CERK: variants seen among roughly 807,000 people sequenced by gnomAD.
CERK encodes the protein acylsphingosine kinase.
Under a neutral mutation model 63.4 loss-of-function variants are expected in CERK, and 39 were observed. The ratio of observed to expected loss-of-function variants is 0.61; its 90% CI spans 0.48 to 0.80. The LOEUF is 0.80. Ranked by LOEUF, CERK falls within the 30% of genes least tolerant of loss-of-function variation. The pLI is 0.00. For synonymous variants in CERK, 302 were observed against 280.0 expected (o/e 1.08, Z -0.78); for missense variants, 670 against 714.1 (o/e 0.94, Z 0.70).
At chr22:46,695,832 C>G (rs966927765) in intron 8 of CERK, among the ~76,000 whole-genome samples, 1 of 152,014 alleles carries the variant, frequency 6.6e-6, no homozygotes, top group Non-Finnish European at 1.5e-5. Flanking sequence ...CAAACGTGTG[C>G]GCTGTCCACG....
chr22:46,708,008 G>C lies in CERK; in HGVS notation c.570-20C>G, dbSNP rs200609865. On this transcript the variant is annotated intron_variant, in intron 5 of 12. Transcript: ENST00000216264. ...ACGATGCTGCAGGAGGAACACAGCC[G>C]GTCAGGGCTCCTGCAGGTGCGGCCC... The C allele has an allele frequency of 4.4e-6, 7 of 1,585,144 alleles. No homozygotes were observed. Among genetic ancestry groups the C allele is most frequent in the South Asian group, 1.1e-5 (1 of 89,160 alleles).
intron 1 of CERK, among the ~76,000 whole-genome samples, chr22:46,723,555 G>T (rs111900521): frequency 0.038 from 5,788 of 151,358 alleles, 375 homozygotes; most frequent in African/African-American, 0.13. Flanking sequence ...GGAGGCGGAG[G>T]TTGCCGTGAG....
At chr22:46,688,298 A>G (rs2082713523) in intron 12 of CERK, among the ~76,000 whole-genome samples, 1 of 152,262 alleles carries the variant, frequency 6.6e-6, no homozygotes, top group Admixed American at 6.5e-5. Context: ...AGGCATAGCC[A>G]TATTTATCAA....
chr22:46,731,130 A>G (rs1569331438), intron 1 of CERK, among the ~76,000 whole-genome samples: 1 of 152,242 alleles, frequency 6.6e-6, no homozygotes, highest in Non-Finnish European at 1.5e-5. Context: ...GCTGGTAAAA[A>G]GCCTCATGCC....
intron 1 of CERK, among the ~76,000 whole-genome samples, chr22:46,728,331 C>T (rs915708270): frequency 5.3e-5 from 8 of 152,096 alleles, no homozygotes; most frequent in African/African-American, 1.7e-4. Context: ...CTCTTCCCCC[C>T]GTGCACCCTG....
chr22:46,721,893 G>A (rs537598886), intron 1 of CERK, among the ~76,000 whole-genome samples: 5 of 152,296 alleles, frequency 3.3e-5, no homozygotes, highest in African/African-American at 1.2e-4. Context: ...CACCTGGGGC[G>A]TGTTCATCTG....
In CERK at chr22:46,686,361, G is replaced by A. The variant is rs2082701289; in HGVS notation, c.*773C>T. The A allele has an allele frequency of 6.6e-6, 1 of 152,180 alleles. No individual in the cohort carries two copies. Among genetic ancestry groups the A allele is most frequent in the South Asian group, 2.1e-4 (1 of 4,832 alleles). The allele number at this position is 152,180 out of a possible 1,614,324, so 9.4% of individuals were successfully genotyped here. A position where few individuals can be genotyped will look rare whatever the true frequency, so the allele number is the denominator to read the frequency against. On this transcript the variant is annotated 3_prime_UTR_variant, in exon 13 of 13. Transcript: ENST00000216264. ...AGCCCGGCTGTGTTAAGCACTTCGC[G>A]TCGATATAAAGCATTGGTATTTGAC...
At chr22:46,695,946 C>T (rs1290199590) in intron 8 of CERK, among the ~76,000 whole-genome samples, 1 of 152,216 alleles carries the variant, frequency 6.6e-6, no homozygotes, top group Non-Finnish European at 1.5e-5. Context: ...TGTCGTGGGC[C>T]ACACCAGGAG....
intron 1 of CERK, among the ~76,000 whole-genome samples, chr22:46,734,998 T>A (rs2082965693): frequency 6.6e-6 from 1 of 151,984 alleles, no homozygotes; most frequent in Non-Finnish European, 1.5e-5. Context: ...GCCTGGGACA[T>A]CCCAAGTGGG....
intron 1 of CERK, among the ~76,000 whole-genome samples, chr22:46,726,625 G>C (rs983327303): frequency 6.6e-6 from 1 of 152,200 alleles, no homozygotes; most frequent in Non-Finnish European, 1.5e-5. Flanking sequence ...AACATGAGCT[G>C]TGTGAACATC....
At chr22:46,695,489 C>A (rs1364620413) in intron 8 of CERK, among the ~76,000 whole-genome samples, 174 bp from the exon 9 acceptor site, 1 of 152,268 alleles carries the variant, frequency 6.6e-6, no homozygotes, top group African/African-American at 2.4e-5. Context: ...GTGGCAGGGT[C>A]TCTGCCCTCC....
At chr22:46,719,624 A>C (rs535686462) in intron 3 of CERK, among the ~76,000 whole-genome samples, 12 of 152,328 alleles carry the variant, frequency 7.9e-5, no homozygotes, top group African/African-American at 2.4e-4. Flanking sequence ...GTGAGCTGAG[A>C]TCGCGCCACT....
intron 8 of CERK, among the ~76,000 whole-genome samples, chr22:46,698,483 T>C (rs2082767271): frequency 6.6e-6 from 1 of 152,210 alleles, no homozygotes; most frequent in South Asian, 2.1e-4. Context: ...TTGAATGAAG[T>C]AAAGGATACC....
At chr22:46,706,605 T>A (rs1009007369) in intron 6 of CERK, among the ~76,000 whole-genome samples, 6 of 152,196 alleles carry the variant, frequency 3.9e-5, no homozygotes, top group African/African-American at 1.4e-4. Context: ...CATCAGGCGA[T>A]ATTATGAAAA....
rs566841450 is a variant in CERK at position 46,699,538 on chromosome 22, T to C, written c.791-73A>G. 33 of 1,420,946 alleles carry C rather than the reference T, an allele frequency of 2.3e-5. No homozygotes were observed. The African/African-American group carries it at 4.1e-4, about 18-fold the overall frequency. 88.0% of individuals were successfully genotyped at this position (1,420,946 alleles called of 1,614,324 possible). On this transcript the variant is annotated intron_variant, in intron 7 of 12. Coordinates refer to ENST00000216264, the MANE Select transcript of CERK (RefSeq NM_022766.6). Reference sequence around the variant, plus strand: ...GCCCCATCCACTCCATCCCCTTCAATAGCACTTTGCAAACGTGGGAGTTAC... The same window carrying C: ...GCCCCATCCACTCCATCCCCTTCAACAGCACTTTGCAAACGTGGGAGTTAC...
chr22:46,688,589 C>T (rs564978999), intron 12 of CERK, among the ~76,000 whole-genome samples: 4 of 152,198 alleles, frequency 2.6e-5, no homozygotes, highest in Non-Finnish European at 5.9e-5. Context: ...TGTTCGGATG[C>T]GAATGGGAGA....
intron 12 of CERK, among the ~76,000 whole-genome samples, chr22:46,688,960 TC>T (rs1039825708): frequency 1.3e-5 from 2 of 152,246 alleles, no homozygotes; most frequent in Admixed American, 1.3e-4. Context: ...ACTGGGTCTT[TC>T]CATGGAGAAA....
At chr22:46,726,528 C>T (rs951766017) in intron 1 of CERK, among the ~76,000 whole-genome samples, 2 of 152,220 alleles carry the variant, frequency 1.3e-5, no homozygotes, top group Non-Finnish European at 2.9e-5. Flanking sequence ...GAAGAACACC[C>T]AAGAGATCCG....
chr22:46,730,255 T>TA (rs67082892), intron 1 of CERK, among the ~76,000 whole-genome samples: 4,005 of 128,438 alleles, frequency 0.031, 202 homozygotes, highest in African/African-American at 0.12. Context: ...CTGTCTCTAC[T>TA]AAAAAAAAAA....
Sources: gnomAD v4.1 joint callset for allele counts (sites outside exome capture counted in the v4.1 genomes callset) on GRCh38, gnomAD v4.1.1 for gene constraint, MANE v1.5 for transcripts, NCBI Gene and HGNC (gene_info 2026-07-23, HGNC 2026-07-21) for gene names.